The following RBFOX1 variants were observed in gnomAD, a reference collection of about 807,000 sequenced individuals.
RBFOX1 encodes RNA binding protein fox-1 homolog 1.
RBFOX1 carries 8 observed loss-of-function variants against 57.7 expected under a neutral mutation model. That is an observed-to-expected ratio of 0.14 (90% CI 0.08 to 0.25). The LOEUF (loss-of-function observed/expected upper bound fraction) is 0.25, where lower values mean the gene tolerates loss of function less well. Among genes scored for constraint, RBFOX1 ranks in the 10% least tolerant of loss-of-function variants. The probability of loss-of-function intolerance (pLI) is 1.00; values close to 1 mark genes in which losing one functional copy is unlikely to be tolerated. For missense variants in RBFOX1, 611 were observed against 548.5 expected, an observed-to-expected ratio of 1.11 and a Z score of -1.14; for synonymous variants, 326 against 222.4, an observed-to-expected ratio of 1.47 and a Z score of -4.15.
At chr16:6,759,277 A>G (rs1242004303) in intron 3 of RBFOX1, among the ~76,000 whole-genome samples, 1 of 151,988 alleles carries the variant, frequency 6.6e-6, no homozygotes, top group Non-Finnish European at 1.5e-5. Flanking sequence ...CAGCCTCCCA[A>G]GTAGCTGGGA....
At chr16:6,897,162 G>C (rs1400703897) in intron 3 of RBFOX1, among the ~76,000 whole-genome samples, 1 of 152,136 alleles carries the variant, frequency 6.6e-6, no homozygotes, top group Non-Finnish European at 1.5e-5. Flanking sequence ...CTGACACAGC[G>C]GCTGTAGAGT....
At chr16:6,317,603 T>C (rs926724072) in intron 2 of RBFOX1, among the ~76,000 whole-genome samples, 30 of 152,336 alleles carry the variant, frequency 2.0e-4, no homozygotes, top group African/African-American at 7.2e-4. Context: ...ATTTCATTTG[T>C]TTTCAGCAAG....
intron 2 of RBFOX1, among the ~76,000 whole-genome samples, chr16:6,591,541 G>A (rs886489497): frequency 6.6e-6 from 1 of 152,188 alleles, no homozygotes; most frequent in Non-Finnish European, 1.5e-5. Context: ...CCCTGCCTGA[G>A]TTCCTGGTAG....
chr16:6,602,033 A>G (rs1232551370), intron 2 of RBFOX1, among the ~76,000 whole-genome samples: 1 of 152,184 alleles, frequency 6.6e-6, no homozygotes, highest in Admixed American at 6.5e-5. Flanking sequence ...GCAGCTTGGT[A>G]GGAGAACAAA....
chr16:5,972,333 G>C lies in RBFOX1; in HGVS notation c.351+104998G>C, dbSNP rs140085283. Among the ~76,000 whole-genome samples the C allele has an allele frequency of 3.9e-5, 6 of 152,264 alleles. No individual in the cohort carries two copies. In the East Asian group the frequency reaches 9.7e-4, roughly 24 times the overall value. ...GGCTACACATGGAAAAAGAATTCCG[G>C]AATCAGCTTTACAGCTAGACAGTGT... On this transcript the variant is annotated intron_variant, in intron 4 of 19. Coordinates refer to the RBFOX1 transcript ENST00000641259.
At chr16:7,391,468 C>T (rs895690508) in intron 4 of RBFOX1, among the ~76,000 whole-genome samples, 1 of 152,220 alleles carries the variant, frequency 6.6e-6, no homozygotes, top group Admixed American at 6.5e-5. Flanking sequence ...GGACTTCTTT[C>T]CTCCCTTTCT....
At chr16:7,220,062 T>A (rs2092604413) in intron 4 of RBFOX1, among the ~76,000 whole-genome samples, 1 of 152,190 alleles carries the variant, frequency 6.6e-6, no homozygotes. Context: ...GGAGTTGCAT[T>A]GTTTGACCTT....
chr16:5,497,622 C>CAAAAAAAAAAAAAAAAAAAAAAAAAAAAA (rs911723996), intron 2 of RBFOX1, among the ~76,000 whole-genome samples: 3 of 53,416 alleles, frequency 5.6e-5, no homozygotes, highest in African/African-American at 3.3e-4. Flanking sequence ...ACTAAAAATA[C>CAAAAAAAAAAAAAAAAAAAAAAAAAAAAA]AAAAAAAAAA....
At chr16:7,655,635 C>G (rs530441441) in intron 12 of RBFOX1, among the ~76,000 whole-genome samples, 2 of 152,204 alleles carry the variant, frequency 1.3e-5, no homozygotes, top group East Asian at 3.9e-4. Context: ...AAAGAAAATC[C>G]CAAGTTACCT....
chr16:6,657,106 T>TCCTCC (rs2098663418), intron 3 of RBFOX1, among the ~76,000 whole-genome samples: 1 of 125,712 alleles, frequency 8.0e-6, no homozygotes, highest in Admixed American at 8.4e-5. Context: ...TACTCTCCTC[T>TCCTCC]CCTCCCCTCT....
At chr16:5,998,264 T>C (rs975373265) in intron 4 of RBFOX1, among the ~76,000 whole-genome samples, 3 of 152,228 alleles carry the variant, frequency 2.0e-5, no homozygotes, top group African/African-American at 4.8e-5. Flanking sequence ...CTTAGATCTC[T>C]TTGATAGTCT....
intron 1 of RBFOX1, among the ~76,000 whole-genome samples, chr16:5,388,865 C>T (rs2066326294): frequency 6.6e-6 from 1 of 151,494 alleles, no homozygotes; most frequent in Admixed American, 6.6e-5. Context: ...GCGTGAGTCA[C>T]CGCGCCTTGC....
intron 2 of RBFOX1, among the ~76,000 whole-genome samples, chr16:6,606,365 G>C (rs764549039): frequency 6.6e-6 from 1 of 152,144 alleles, no homozygotes; most frequent in Non-Finnish European, 1.5e-5. Context: ...GACTGTACGT[G>C]TTTTAAAATT....
intron 3 of RBFOX1, among the ~76,000 whole-genome samples, chr16:6,976,032 G>C (rs1292079078): frequency 1.3e-5 from 2 of 152,100 alleles, no homozygotes; most frequent in Non-Finnish European, 2.9e-5. Context: ...GAGGCTGAGG[G>C]AAGTGAATTG....
At chr16:5,987,689 A>G (rs1352431883) in intron 4 of RBFOX1, among the ~76,000 whole-genome samples, 2 of 152,212 alleles carry the variant, frequency 1.3e-5, no homozygotes, top group Non-Finnish European at 2.9e-5. Flanking sequence ...ACTGCAGCCC[A>G]GGCAACATAG....
At chr16:6,660,302 C>T (rs978415880) in intron 3 of RBFOX1, among the ~76,000 whole-genome samples, 1 of 151,626 alleles carries the variant, frequency 6.6e-6, no homozygotes, top group Non-Finnish European at 1.5e-5. Flanking sequence ...GGGCTTAATA[C>T]CTTGGTGATG....
Position 6,985,755 on chromosome 16 carries a change from A to G in RBFOX1, c.-15-66302A>G, listed in dbSNP as rs1395885983. On this transcript the variant is annotated intron_variant, in intron 3 of 15. Coordinates refer to ENST00000550418, the MANE Select transcript of RBFOX1 (RefSeq NM_018723.4). ...AGGCTGAGGCATAAGAATTGCTTGA[A>G]CCCAGGAGGCAGAGGTTGCAATGAG... 2.0e-5 allele frequency among the ~76,000 whole-genome samples: 3 copies of G among 146,688 alleles called. No homozygotes were observed. The East Asian group carries it at 6.2e-4, about 30-fold the overall frequency.
intron 3 of RBFOX1, among the ~76,000 whole-genome samples, chr16:6,884,784 G>C (rs1463627522): frequency 1.3e-5 from 2 of 152,078 alleles, no homozygotes; most frequent in African/African-American, 2.4e-5. Flanking sequence ...TGCAGTCCCA[G>C]CTACTTGGGA....
Position 7,688,249 on chromosome 16 carries a change from GT to G in RBFOX1, c.995+11412del, listed in dbSNP as rs2076515453. On this transcript the variant is annotated intron_variant, in intron 14 of 15. Coordinates refer to ENST00000550418, the MANE Select transcript of RBFOX1 (RefSeq NM_018723.4). ...TGTGTGTGTGTGTGTGTGTGTGTGT[GT>G]GTGTGTGTGTGAGAGAGAGAGAGAG... is the stretch of plus-strand genomic sequence containing the variant. Among the ~76,000 whole-genome samples the G allele has an allele frequency of 2.7e-5, 4 of 149,668 alleles. 1 individual carries two copies. In the Admixed American group the frequency reaches 2.7e-4, roughly 10 times the overall value.
Sources: gnomAD v4.1 joint callset for allele counts (sites outside exome capture counted in the v4.1 genomes callset) on GRCh38, gnomAD v4.1.1 for gene constraint, MANE v1.5 for transcripts, NCBI Gene and HGNC (gene_info 2026-07-23, HGNC 2026-07-21) for gene names.